LONP2: variants seen among roughly 807,000 people sequenced by gnomAD.
LONP2 encodes the protein lon peptidase 2, peroxisomal.
LONP2 carries 60 observed loss-of-function variants against 85.6 expected under a neutral mutation model. That is an observed-to-expected ratio of 0.70 (90% CI 0.57 to 0.87). The LOEUF (loss-of-function observed/expected upper bound fraction) is 0.87, where lower values mean the gene tolerates loss of function less well. LONP2 is among the 40% of genes least tolerant of loss of function. LONP2 has a pLI of 0.00. For synonymous variants in LONP2, 395 were observed against 389.7 expected (o/e 1.01, Z -0.16); for missense variants, 860 against 1,063.5 (o/e 0.81, Z 2.66).
chr16:48,318,924 A>G (rs752635602), intron 11 of LONP2, among the ~76,000 whole-genome samples: 18 of 151,328 alleles, frequency 1.2e-4, no homozygotes, highest in Non-Finnish European at 2.1e-4. Flanking sequence ...TCCTTCCTCA[A>G]CCAAAACAGG....
At chr16:48,259,561 G>T (rs936364782) in intron 4 of LONP2, among the ~76,000 whole-genome samples, 1 of 152,216 alleles carries the variant, frequency 6.6e-6, no homozygotes, top group Non-Finnish European at 1.5e-5. Flanking sequence ...TTAAGTTGAG[G>T]CGTTGAGAAT....
At chr16:48,279,259 G>T (rs989532210) in intron 8 of LONP2, among the ~76,000 whole-genome samples, 1 of 152,092 alleles carries the variant, frequency 6.6e-6, no homozygotes. Context: ...ATATTTAATA[G>T]TAAGGGACAA....
chr16:48,247,060 T>C (rs1971428160), intron 1 of LONP2, among the ~76,000 whole-genome samples: 1 of 152,312 alleles, frequency 6.6e-6, no homozygotes, highest in Admixed American at 6.5e-5. Flanking sequence ...AAAGTCTTCA[T>C]AGAAGTCCGG....
chr16:48,312,009 C>T (rs1037653191), intron 11 of LONP2, among the ~76,000 whole-genome samples: 1 of 151,844 alleles, frequency 6.6e-6, no homozygotes, highest in Admixed American at 6.6e-5. Flanking sequence ...GGCACGATCT[C>T]GGCTCACTGC....
At chr16:48,251,255 G>A (rs1282197657) in intron 1 of LONP2, among the ~76,000 whole-genome samples, 1 of 152,018 alleles carries the variant, frequency 6.6e-6, no homozygotes, top group Non-Finnish European at 1.5e-5. Flanking sequence ...TTTCTTTTCT[G>A]GAATTACCAC....
chr16:48,326,570 A>AG (rs1377582522), intron 11 of LONP2, among the ~76,000 whole-genome samples: 1 of 152,110 alleles, frequency 6.6e-6, no homozygotes, highest in Non-Finnish European at 1.5e-5. Flanking sequence ...CTCTGTGGTT[A>AG]GATAGTCTCC....
At chr16:48,267,040 G>A (rs1972004537) in intron 6 of LONP2, among the ~76,000 whole-genome samples, 1 of 152,132 alleles carries the variant, frequency 6.6e-6, no homozygotes, top group Non-Finnish European at 1.5e-5. Flanking sequence ...ATGTTTGCAT[G>A]TCGTGACAAA....
chr16:48,302,612 A>G (rs1328376346), intron 10 of LONP2, among the ~76,000 whole-genome samples: 1 of 152,280 alleles, frequency 6.6e-6, no homozygotes, highest in Non-Finnish European at 1.5e-5. Flanking sequence ...CCTCAAAGTC[A>G]GTGCTGTCAT....
At chr16:48,289,771 C>T (rs1327842000) in intron 8 of LONP2, among the ~76,000 whole-genome samples, 1 of 152,098 alleles carries the variant, frequency 6.6e-6, no homozygotes, top group Admixed American at 6.6e-5. Flanking sequence ...AATACAAATA[C>T]TAATATTTTC....
intron 2 of LONP2, among the ~76,000 whole-genome samples, chr16:48,254,539 G>A (rs111989461): frequency 0.012 from 1,850 of 151,226 alleles, 38 homozygotes; most frequent in African/African-American, 0.042. Context: ...AACTTTTTGT[G>A]TCTTTAGTAG....
downstream of LONP2, chr16:48,360,992 C>T (rs1960561653): frequency 3.3e-5 from 5 of 151,768 alleles, no homozygotes; most frequent in Admixed American, 3.3e-4. Context: ...TTACCATAAA[C>T]AAATATGCAT....
At chr16:48,323,715 G>A (rs1973313782) in intron 11 of LONP2, among the ~76,000 whole-genome samples, 1 of 151,538 alleles carries the variant, frequency 6.6e-6, no homozygotes, top group African/African-American at 2.4e-5. Context: ...ACTTCCATCT[G>A]TATCTCAGTG....
intron 12 of LONP2, among the ~76,000 whole-genome samples, chr16:48,342,683 T>A (rs1959850330): frequency 6.6e-6 from 1 of 152,246 alleles, no homozygotes; most frequent in African/African-American, 2.4e-5. Flanking sequence ...TTCCCATTTC[T>A]GAATGCTACT....
At chr16:48,320,159 CA>C (rs80118943) in intron 11 of LONP2, among the ~76,000 whole-genome samples, 1,708 of 56,748 alleles carry the variant, frequency 0.03, 17 homozygotes, top group African/African-American at 0.092. Flanking sequence ...GACTCTGTCT[CA>C]AAAAAAAAAA....
intron 11 of LONP2, among the ~76,000 whole-genome samples, chr16:48,307,420 C>T (rs1972934515): frequency 6.6e-6 from 1 of 152,162 alleles, no homozygotes; most frequent in African/African-American, 2.4e-5. Flanking sequence ...TAATTTTGCA[C>T]ACTTCAGTGT....
At chr16:48,279,436 C>G (rs2150983683) in intron 8 of LONP2, among the ~76,000 whole-genome samples, 1 of 152,072 alleles carries the variant, frequency 6.6e-6, no homozygotes, top group African/African-American at 2.4e-5. Context: ...CTGTCTCTTG[C>G]CTTGAGAATG....
At chr16:48,332,863 G>C (rs1054171502) in intron 11 of LONP2, among the ~76,000 whole-genome samples, 8 of 152,140 alleles carry the variant, frequency 5.3e-5, no homozygotes, top group African/African-American at 1.9e-4. Flanking sequence ...AGCCGAGATT[G>C]CACCACTGCA....
intron 8 of LONP2, among the ~76,000 whole-genome samples, chr16:48,283,952 A>G (rs1444008922): frequency 2.6e-5 from 4 of 152,216 alleles, no homozygotes; most frequent in African/African-American, 9.7e-5. Flanking sequence ...AGGTCAAAAT[A>G]TCAACATGAA....
intron 12 of LONP2, chr16:48,336,324 T>C (rs917607447): frequency 6.6e-6 from 3 of 456,108 alleles, no homozygotes; most frequent in African/African-American, 6.0e-5. Context: ...CATGTGAGCT[T>C]TAACATAGTA....
Sources: allele counts gnomAD v4.1 joint callset (sites outside exome capture counted in the v4.1 genomes callset), GRCh38; gene constraint gnomAD v4.1.1; transcripts MANE v1.5; gene names NCBI Gene and HGNC (gene_info 2026-07-23, HGNC 2026-07-21).